The following CGGBP1 variants were observed in gnomAD, a reference collection of about 807,000 sequenced individuals.
CGGBP1 encodes CGG triplet repeat-binding protein 1.
Under a neutral mutation model 11.4 loss-of-function variants are expected in CGGBP1, and 4 were observed. The ratio of observed to expected loss-of-function variants is 0.35; its 90% CI spans 0.17 to 0.80. The LOEUF (loss-of-function observed/expected upper bound fraction) is 0.80, where lower values mean the gene tolerates loss of function less well. Among genes scored for constraint, CGGBP1 ranks in the 30% least tolerant of loss-of-function variants. The pLI is 0.52. For missense variants in CGGBP1, 135 were observed against 202.1 expected, an observed-to-expected ratio of 0.67 and a Z score of 2.01; for synonymous variants, 76 against 74.1, an observed-to-expected ratio of 1.03 and a Z score of -0.13.
At chr3:88,131,272 T>C (rs1172007028) in intron 2 of CGGBP1, among the ~76,000 whole-genome samples, 7 of 152,248 alleles carry the variant, frequency 4.6e-5, no homozygotes, top group African/African-American at 1.4e-4. Context: ...TGACCACTGT[T>C]GTATACGCAG....
Position 88,128,686 on chromosome 3 carries a change from G to A in CGGBP1, c.-229+12284C>T, listed in dbSNP as rs150757498. On this transcript the variant is annotated intron_variant, in intron 2 of 3. Transcript: ENST00000462901. ...TTTTCACAAATAAACTCCTACTAAGGAAAATGCTATTTAAGTAGTTAAATC... is the reference window on the plus strand; with the variant it reads ...TTTTCACAAATAAACTCCTACTAAGAAAAATGCTATTTAAGTAGTTAAATC... The A allele has an allele frequency of 3.2e-3, 2,075 of 651,066 alleles. 15 individuals carry two copies. The highest frequency in any genetic ancestry group is 0.019 in the African/African-American group (1,027 of 54,242). 40.3% of individuals were successfully genotyped at this position (651,066 alleles called of 1,614,324 possible). A position where few individuals can be genotyped will look rare whatever the true frequency, so the allele number is the denominator to read the frequency against.
At chr3:88,139,715 T>C (rs755426506) in intron 2 of CGGBP1, 1 of 1,566,260 alleles carries the variant, frequency 6.4e-7, no homozygotes, top group South Asian at 1.2e-5. Flanking sequence ...ATGGCAGTCC[T>C]AATAATTCTT....
intron 2 of CGGBP1, among the ~76,000 whole-genome samples, chr3:88,112,510 A>G (rs944027364): frequency 5.7e-5 from 6 of 106,070 alleles, no homozygotes; most frequent in African/African-American, 1.8e-4. Context: ...TTTCCAAATA[A>G]TTTATTTAAA....
chr3:88,060,993 C>A (rs1185410116), upstream of CGGBP1, among the ~76,000 whole-genome samples: 1 of 152,042 alleles, frequency 6.6e-6, no homozygotes, highest in Non-Finnish European at 1.5e-5. Context: ...TATTTAATGA[C>A]TTTCTTGAAA....
rs567322704 is a variant in CGGBP1 at position 88,052,449 on chromosome 3, T to C, written c.*3024A>G. The C allele has an allele frequency of 7.9e-5, 12 of 152,768 alleles. No homozygotes were observed. The highest frequency in any genetic ancestry group is 1.2e-4 in the Non-Finnish European group (8 of 68,024). The allele number at this position is 152,768 out of a possible 1,614,324, so 9.5% of individuals were successfully genotyped here. On this transcript the variant is annotated 3_prime_UTR_variant, in exon 4 of 4. Transcript: ENST00000482016. ...CTTACAAAGACTAAGCACCAAATGA[T>C]GAACTGTTTGTGGCTTTTGTTTTGG... is the stretch of plus-strand genomic sequence containing the variant.
At chr3:88,123,848 T>C (rs1186635847) in intron 2 of CGGBP1, among the ~76,000 whole-genome samples, 1 of 152,074 alleles carries the variant, frequency 6.6e-6, no homozygotes, top group Non-Finnish European at 1.5e-5. Context: ...TAGCTTAGAG[T>C]AGTTGAATTT....
intron 2 of CGGBP1, chr3:88,129,785 T>C: frequency 6.5e-7 from 1 of 1,527,158 alleles, no homozygotes; most frequent in South Asian, 1.2e-5. Context: ...GTGAATCCTT[T>C]CTTATTCCAC....
At chr3:88,076,711 CCATG>C in intron 2 of CGGBP1, among the ~76,000 whole-genome samples, 1 of 152,226 alleles carries the variant, frequency 6.6e-6, no homozygotes, top group East Asian at 1.9e-4. Context: ...GTTCCCTTGT[CCATG>C]CACCAATTTT....
chr3:88,089,189 A>AT (rs1189404289), intron 2 of CGGBP1, among the ~76,000 whole-genome samples: 2 of 78,264 alleles, frequency 2.6e-5, no homozygotes, highest in Non-Finnish European at 5.5e-5. Context: ...AAGCTTACGT[A>AT]TTAAAAAAAA....
upstream of CGGBP1, among the ~76,000 whole-genome samples, chr3:88,063,838 C>T (rs1042067872): frequency 6.6e-6 from 1 of 152,022 alleles, no homozygotes; most frequent in Non-Finnish European, 1.5e-5. Flanking sequence ...CTTAGCATCC[C>T]GAGTTTGTGT....
chr3:88,067,687 G>A (rs1707277553), intron 2 of CGGBP1, among the ~76,000 whole-genome samples: 2 of 152,294 alleles, frequency 1.3e-5, no homozygotes, highest in Admixed American at 6.5e-5. Context: ...AGATCCAATC[G>A]TTGAATTAAC....
In CGGBP1 at chr3:88,053,121, T is replaced by C. The variant is rs549557838; in HGVS notation, c.*2352A>G. On this transcript the variant is annotated 3_prime_UTR_variant, in exon 4 of 4. Coordinates refer to ENST00000482016, the MANE Select transcript of CGGBP1 (RefSeq NM_001008390.2). The stretch of plus-strand genomic sequence containing the variant: ...TGAAAACTTCTGTACACACGTTCAC[T>C]ACACCTCCAAAGCAGCATATGCCTC... 6.6e-6 allele frequency: 1 copy of C among 152,648 alleles called. No homozygotes were observed. Among genetic ancestry groups the C allele is most frequent in the African/African-American group, 2.4e-5 (1 of 41,596 alleles). The allele number at this position is 152,648 out of a possible 1,614,324, so 9.5% of individuals were successfully genotyped here. A position where few individuals can be genotyped will look rare whatever the true frequency, so the allele number is the denominator to read the frequency against.
intron 2 of CGGBP1, among the ~76,000 whole-genome samples, chr3:88,118,237 T>C (rs1705531838): frequency 6.6e-6 from 1 of 152,150 alleles, no homozygotes; most frequent in African/African-American, 2.4e-5. Context: ...AAGCCTTCTT[T>C]CCCTGAGACA....
At chr3:88,091,272 A>G (rs1357697514) in intron 2 of CGGBP1, among the ~76,000 whole-genome samples, 1 of 152,232 alleles carries the variant, frequency 6.6e-6, no homozygotes, top group Non-Finnish European at 1.5e-5. Flanking sequence ...ATTTCCTTAA[A>G]GAACTGGCTA....
intron 2 of CGGBP1, chr3:88,086,249 T>C (rs1708331679): frequency 6.5e-7 from 1 of 1,530,696 alleles, no homozygotes; most frequent in Non-Finnish European, 8.7e-7. Flanking sequence ...GGATTGCTTC[T>C]CTGTCAGGTG....
intron 2 of CGGBP1, among the ~76,000 whole-genome samples, chr3:88,135,755 T>G (rs1706741545): frequency 6.6e-6 from 1 of 152,140 alleles, no homozygotes; most frequent in Non-Finnish European, 1.5e-5. Context: ...ACATGAGTCT[T>G]ACGTAGACAT....
intron 2 of CGGBP1, among the ~76,000 whole-genome samples, chr3:88,113,779 T>G (rs946411705): frequency 9.3e-5 from 14 of 150,782 alleles, no homozygotes; most frequent in Non-Finnish European, 1.8e-4. Context: ...AGGGGTGAAG[T>G]GTCCCTGATC....
chr3:88,144,039 A>G (rs1373087765), intron 1 of CGGBP1: 2 of 152,286 alleles, frequency 1.3e-5, no homozygotes, highest in Non-Finnish European at 3.0e-5. Flanking sequence ...TCCTACATGG[A>G]CCAAGTTTCA....
At chr3:88,097,044 A>G (rs1012959275) in intron 2 of CGGBP1, among the ~76,000 whole-genome samples, 3 of 152,136 alleles carry the variant, frequency 2.0e-5, no homozygotes, top group African/African-American at 7.2e-5. Flanking sequence ...TCTTATGTGT[A>G]TATCAAAATG....
Sources: gnomAD v4.1 joint callset for allele counts (sites outside exome capture counted in the v4.1 genomes callset) on GRCh38, gnomAD v4.1.1 for gene constraint, MANE v1.5 for transcripts, NCBI Gene and HGNC (gene_info 2026-07-23, HGNC 2026-07-21) for gene names.